F8: variants seen among roughly 807,000 people sequenced by gnomAD.
F8 encodes the protein antihemophilic factor.
Under a neutral mutation model 140.6 loss-of-function variants are expected in F8, and 12 were observed. The ratio of observed to expected loss-of-function variants is 0.09; its 90% CI spans 0.05 to 0.14. F8 has a LOEUF of 0.14. Ranked by LOEUF, F8 falls within the 10% of genes least tolerant of loss-of-function variation. The probability of loss-of-function intolerance (pLI) is 1.00; values close to 1 mark genes in which losing one functional copy is unlikely to be tolerated. For missense variants in F8, 1,354 were observed against 1,720.7 expected (o/e 0.79, Z 3.77); for synonymous variants, 585 against 614.6 (o/e 0.95, Z 0.71).
intron 11 of F8, among the ~76,000 whole-genome samples, chrX:154,955,009 C>T (rs782351358): frequency 9.1e-6 from 1 of 110,467 alleles, no homozygotes; most frequent in East Asian, 2.8e-4. Flanking sequence ...CTGAGTTATT[C>T]TGGGGCCGAG....
At chrX:154,900,542 G>A (rs1437872987) in intron 20 of F8, among the ~76,000 whole-genome samples, 1 of 111,804 alleles carries the variant, frequency 8.9e-6, no homozygotes, top group Non-Finnish European at 1.9e-5. Flanking sequence ...TATTTATTAC[G>A]CAATGTATGT....
intron 4 of F8, among the ~76,000 whole-genome samples, chrX:154,991,186 C>T (rs1160771436): frequency 1.8e-5 from 2 of 112,092 alleles, no homozygotes; most frequent in African/African-American, 6.5e-5. Context: ...GAAAAGAGGA[C>T]AAAAACCCTA....
intron 21 of F8, chrX:154,897,523 G>A (rs1569559482): frequency 8.9e-6 from 1 of 112,004 alleles, no homozygotes; most frequent in Non-Finnish European, 1.9e-5. Context: ...AGTGATAAGC[G>A]CAGGAGAAAA....
chrX:154,856,976 T>C (rs782303934), intron 25 of F8, among the ~76,000 whole-genome samples: 1 of 111,930 alleles, frequency 8.9e-6, no homozygotes, highest in Non-Finnish European at 1.9e-5. Flanking sequence ...GCAGAGGATC[T>C]GTGAGACTAT....
rs141712915 is a variant in F8, at chrX:154,879,527, C to T, written c.6430-16300G>A. On this transcript the variant is annotated intron_variant, in intron 22 of 25. Transcript: ENST00000360256. ...TTTCAGTGCAATATTGAATAAATTACGTGAGATAGTCAACACTTCATTATA... is the reference window on the plus strand; with the variant it reads ...TTTCAGTGCAATATTGAATAAATTATGTGAGATAGTCAACACTTCATTATA... Among the ~76,000 whole-genome samples the T allele has an allele frequency of 7.4e-3, 835 of 112,330 alleles. 12 individuals carry two copies. Among genetic ancestry groups the T allele is most frequent in the African/African-American group, 0.024 (755 of 30,946 alleles).
intron 13 of F8, among the ~76,000 whole-genome samples, chrX:154,946,873 C>CA (rs781945404): frequency 0.013 from 1,470 of 109,552 alleles, 33 homozygotes; most frequent in African/African-American, 0.045. Context: ...TAGTCAATAG[C>CA]AAAAAAAACA....
chrX:154,888,447 C>G (rs1372277463), intron 22 of F8, among the ~76,000 whole-genome samples: 2 of 73,041 alleles, frequency 2.7e-5, no homozygotes, highest in Non-Finnish European at 4.6e-5. Flanking sequence ...CAGGCAGGAG[C>G]GCAGTGGCGT....
At chrX:154,968,909 G>A (rs2073439473) in intron 7 of F8, among the ~76,000 whole-genome samples, 1 of 109,241 alleles carries the variant, frequency 9.2e-6, no homozygotes, top group Non-Finnish European at 1.9e-5. Flanking sequence ...GTTGCAATCT[G>A]GACAATGCCT....
chrX:154,855,076 T>C (rs1217571470), intron 25 of F8, among the ~76,000 whole-genome samples: 2 of 111,838 alleles, frequency 1.8e-5, no homozygotes, highest in South Asian at 3.8e-4. Context: ...GCTGAGATCA[T>C]GCCACTGCAC....
chrX:154,876,361 C>T (rs1199422383), intron 22 of F8, among the ~76,000 whole-genome samples: 2 of 110,507 alleles, frequency 1.8e-5, no homozygotes, highest in Admixed American at 9.6e-5. Flanking sequence ...CCTTGTGATC[C>T]GCCCACCTCG....
intron 25 of F8, among the ~76,000 whole-genome samples, chrX:154,847,827 G>A (rs1203991919): frequency 8.8e-6 from 1 of 113,151 alleles, no homozygotes; most frequent in Non-Finnish European, 1.9e-5. Flanking sequence ...CGTTGCTGGC[G>A]AGGAGCTGCG....
chrX:154,925,913 G>A (rs921648165), intron 14 of F8, among the ~76,000 whole-genome samples: 6 of 111,911 alleles, frequency 5.4e-5, no homozygotes, highest in Admixed American at 3.8e-4. Flanking sequence ...ACGAGATTTG[G>A]GAGGGGATGG....
At chrX:154,923,983 G>GA (rs1455400703) in intron 14 of F8, among the ~76,000 whole-genome samples, 2 of 110,856 alleles carry the variant, frequency 1.8e-5, no homozygotes, top group Non-Finnish European at 3.8e-5. Context: ...AAGAAGAAAA[G>GA]AAAAAAAAGA....
At chrX:154,844,531 G>C (rs1404935095) in intron 25 of F8, among the ~76,000 whole-genome samples, 1 of 110,146 alleles carries the variant, frequency 9.1e-6, no homozygotes, top group Non-Finnish European at 1.9e-5. Flanking sequence ...GGATTCCTAG[G>C]TATTTTATTC....
chrX:154,868,152 A>C (rs781867260), intron 22 of F8, among the ~76,000 whole-genome samples: 7 of 111,768 alleles, frequency 6.3e-5, no homozygotes, highest in Non-Finnish European at 9.4e-5. Context: ...TTCCCACTCA[A>C]ATCTCACCTT....
At chrX:154,903,759 G>T in intron 18 of F8, 147 bp downstream of exon 18, 1 of 481,909 alleles carries the variant, frequency 2.1e-6, no homozygotes, top group Non-Finnish European at 3.6e-6. Context: ...TTGAACAAAT[G>T]GTTTAAAAAG....
chrX:154,919,535 C>G, intron 14 of F8: 1 of 618,122 alleles, frequency 1.6e-6, no homozygotes, highest in Non-Finnish European at 2.3e-6. Flanking sequence ...GAAACTTGGG[C>G]AGCAGACAAT....
rs1557278280 is a variant in F8, at chrX:154,928,738, A to G, written c.5052T>C (p.Asp1684=). 1 of 1,211,423 alleles carries G rather than the reference A, an allele frequency of 8.3e-7. No homozygotes were observed. The highest frequency in any genetic ancestry group is 1.1e-6 in the Non-Finnish European group (1 of 895,392). ...TCTTCATTTCAACTGATATGGTATC[A>G]TCATAGTCAATTTCCTCTTGATCTG... ...LQSDQEEIDY[D]DTISVEMKKE... is the part of the protein sequence containing the mutation. Residue 1684 remains aspartate, a synonymous_variant, in exon 14 of 26, where the codon GAT becomes GAC. Transcript: ENST00000360256.
At position 154,861,808 on chromosome X, in the gene F8, A is replaced by G. The variant is rs782567782; in HGVS notation, c.6633T>C (p.Ala2211=). The change falls in exon 24 of 26, where the codon GCT becomes GCC. Residue 2211 remains alanine (A), a synonymous_variant. Transcript: ENST00000360256. The part of the protein sequence containing the change: ...SKAISDAQIT[A]SSYFTNMFAT... ...CAAACATATTGGTAAAGTAGGATGA[A>G]GCAGTAATCTGTGCATCTGATATTG... 1.7e-6 allele frequency: 2 copies of G among 1,211,062 alleles called. No individual in the cohort carries two copies. Among genetic ancestry groups the G allele is most frequent in the Admixed American group, 2.2e-5 (1 of 46,040 alleles).
Sources: gnomAD v4.1 joint callset for allele counts (sites outside exome capture counted in the v4.1 genomes callset) on GRCh38, gnomAD v4.1.1 for gene constraint, MANE v1.5 for transcripts, NCBI Gene and HGNC (gene_info 2026-07-23, HGNC 2026-07-21) for gene names.